Variants in VRK2 observed in about 807,000 individuals in gnomAD.
VRK2 encodes the protein VRK serine/threonine kinase 2.
Under a neutral mutation model 57.6 loss-of-function variants are expected in VRK2, and 60 were observed. That is an observed-to-expected ratio of 1.04 (90% confidence interval 0.85 to 1.29). The LOEUF is 1.29. Among genes scored for constraint, VRK2 ranks in the 50% most tolerant of loss-of-function variants. The pLI is 0.00. For missense variants in VRK2, 705 were observed against 588.1 expected, an observed-to-expected ratio of 1.20 and a Z score of -2.06; for synonymous variants, 231 against 199.2, an observed-to-expected ratio of 1.16 and a Z score of -1.35.
chr2:57,993,130 A>AT (rs1672820906), intron 1 of VRK2, among the ~76,000 whole-genome samples: 1 of 152,336 alleles, frequency 6.6e-6, no homozygotes, highest in South Asian at 2.1e-4. Flanking sequence ...TTATCACTTA[A>AT]TTTAAGGCCA....
intron 1 of VRK2, among the ~76,000 whole-genome samples, chr2:57,918,079 G>A (rs575134776): frequency 3.9e-5 from 6 of 152,208 alleles, no homozygotes; most frequent in Admixed American, 6.5e-5. Flanking sequence ...AGCATGTGAA[G>A]CTTAATTAAG....
intron 1 of VRK2, among the ~76,000 whole-genome samples, chr2:57,935,056 A>G (rs2678888): frequency 0.68 from 102,908 of 152,082 alleles, 35,759 homozygotes; most frequent in African/African-American, 0.86. Flanking sequence ...ATTCTTTATC[A>G]GAAAATTGGT....
intron 7 of VRK2, among the ~76,000 whole-genome samples, chr2:58,107,220 T>C (rs1026485745): frequency 6.6e-6 from 1 of 152,170 alleles, no homozygotes; most frequent in South Asian, 2.1e-4. Context: ...GCTTTTTGTT[T>C]TAAAGAAAAG....
intron 2 of VRK2, among the ~76,000 whole-genome samples, chr2:58,028,667 A>G (rs1422581805): frequency 6.6e-6 from 1 of 151,258 alleles, no homozygotes; most frequent in African/African-American, 2.4e-5. Context: ...GTTCTCACTC[A>G]TAGGTGGGAA....
chr2:58,129,858 A>G (rs1355089260), intron 8 of VRK2, among the ~76,000 whole-genome samples: 1 of 152,160 alleles, frequency 6.6e-6, no homozygotes, highest in African/African-American at 2.4e-5. Context: ...CACTGCATGC[A>G]TTTATGCAGG....
chr2:58,011,668 T>A (rs188288067), intron 1 of VRK2, among the ~76,000 whole-genome samples: 1 of 152,204 alleles, frequency 6.6e-6, no homozygotes. Flanking sequence ...TTATATTTTA[T>A]TTTGTAAATT....
At chr2:58,144,276 A>T (rs1681789151) in intron 11 of VRK2, among the ~76,000 whole-genome samples, 1 of 152,008 alleles carries the variant, frequency 6.6e-6, no homozygotes, top group Admixed American at 6.6e-5. Flanking sequence ...GTCAAAAGGT[A>T]CAAACTTTCA....
chr2:58,020,663 A>C (rs1673726667), intron 1 of VRK2, among the ~76,000 whole-genome samples: 1 of 152,248 alleles, frequency 6.6e-6, no homozygotes, highest in African/African-American at 2.4e-5. Context: ...GCTCATAAGA[A>C]ATTGTGGATG....
chr2:58,150,898 G>A (rs1401275674), intron 12 of VRK2, among the ~76,000 whole-genome samples: 1 of 151,312 alleles, frequency 6.6e-6, no homozygotes, highest in Non-Finnish European at 1.5e-5. Context: ...TTATTTATTA[G>A]TATGTTATTT....
At chr2:58,148,090 T>A (rs1682440316) in intron 12 of VRK2, among the ~76,000 whole-genome samples, 1 of 151,822 alleles carries the variant, frequency 6.6e-6, no homozygotes, top group African/African-American at 2.4e-5. Context: ...AGGTGTATGT[T>A]CAATTTTATA....
intron 1 of VRK2, among the ~76,000 whole-genome samples, chr2:57,921,927 G>T (rs1359302627): frequency 1.3e-5 from 2 of 152,030 alleles, no homozygotes; most frequent in Non-Finnish European, 2.9e-5. Context: ...GCCATCTGCT[G>T]ATCCAATTAC....
intron 1 of VRK2, among the ~76,000 whole-genome samples, chr2:57,917,361 T>C (rs897454640): frequency 6.6e-6 from 1 of 151,876 alleles, no homozygotes; most frequent in Non-Finnish European, 1.5e-5. Flanking sequence ...GGTCAGGCTA[T>C]AAATTCAGAT....
intron 10 of VRK2, among the ~76,000 whole-genome samples, chr2:58,136,937 ATATT>A (rs1433774650): frequency 7.3e-6 from 1 of 136,356 alleles, no homozygotes; most frequent in African/African-American, 2.8e-5. Flanking sequence ...TATATCATAT[ATATT>A]ATATATCATA....
chr2:57,948,042 G>A (rs1336316770), intron 1 of VRK2, among the ~76,000 whole-genome samples: 1 of 152,128 alleles, frequency 6.6e-6, no homozygotes, highest in Non-Finnish European at 1.5e-5. Context: ...CCAAAGCCAT[G>A]CTCAAATGAG....
At chr2:57,931,211 T>G (rs990238232) in intron 1 of VRK2, among the ~76,000 whole-genome samples, 3 of 152,072 alleles carry the variant, frequency 2.0e-5, no homozygotes, top group Admixed American at 2.0e-4. Context: ...TTTGAGGATA[T>G]TTATTGTTTT....
At chr2:57,990,082 A>T (rs1202192409) in intron 1 of VRK2, among the ~76,000 whole-genome samples, 6 of 152,218 alleles carry the variant, frequency 3.9e-5, no homozygotes. Context: ...TTTCCTATTA[A>T]GAAAAAATAA....
chr2:58,158,582 T>TAA (rs1684395036), intron 12 of VRK2, among the ~76,000 whole-genome samples: 1 of 152,126 alleles, frequency 6.6e-6, no homozygotes, highest in Non-Finnish European at 1.5e-5. Flanking sequence ...TCTTCTCTTC[T>TAA]AAGTTAGTTA....
intron 7 of VRK2, among the ~76,000 whole-genome samples, chr2:58,110,051 C>A (rs542082332): frequency 6.6e-6 from 1 of 152,190 alleles, no homozygotes; most frequent in Non-Finnish European, 1.5e-5. Flanking sequence ...ATATGGCATA[C>A]CTGTGTACAA....
At position 58,046,846 on chromosome 2, in the gene VRK2, G is replaced by T; in HGVS notation, c.-28G>T. ...GGTAGGAGGCGGTGCGCGCGGCCCGGCGACGGGGGATCCTGAGGCCCGGTC... is the reference window on the plus strand; with the variant it reads ...GGTAGGAGGCGGTGCGCGCGGCCCGTCGACGGGGGATCCTGAGGCCCGGTC... On this transcript the variant is annotated 5_prime_UTR_variant, in exon 1 of 13. Transcript: ENST00000340157. 1 of 985,408 alleles carries T rather than the reference G, an allele frequency of 1.0e-6. No individual in the cohort carries two copies. Among genetic ancestry groups the T allele is most frequent in the Non-Finnish European group, 1.2e-6 (1 of 829,900 alleles). 61.0% of individuals were successfully genotyped at this position (985,408 alleles called of 1,614,324 possible). A position where few individuals can be genotyped will look rare whatever the true frequency, so the allele number is the denominator to read the frequency against.
Sources: allele counts gnomAD v4.1 joint callset (sites outside exome capture counted in the v4.1 genomes callset), GRCh38; gene constraint gnomAD v4.1.1; transcripts MANE v1.5; gene names NCBI Gene and HGNC (gene_info 2026-07-23, HGNC 2026-07-21).